Variants in PYGB observed in about 807,000 individuals in gnomAD.
PYGB encodes the protein glycogen phosphorylase, brain form.
A neutral mutation model predicts 94.3 loss-of-function variants in PYGB; 82 were observed. That is an observed-to-expected ratio of 0.87 (90% CI 0.73 to 1.04). The LOEUF is 1.04. PYGB is among the 50% of genes least tolerant of loss of function. The pLI, the probability that PYGB is intolerant of heterozygous loss-of-function variation, is 0.00. For synonymous variants in PYGB, 488 were observed against 479.1 expected, an observed-to-expected ratio of 1.02 and a Z score of -0.24; for missense variants, 1,132 against 1,158.2, an observed-to-expected ratio of 0.98 and a Z score of 0.33.
At chr20:25,286,297 A>G (rs1005187692) in intron 14 of PYGB, among the ~76,000 whole-genome samples, 6 of 152,080 alleles carry the variant, frequency 3.9e-5, no homozygotes, top group East Asian at 1.9e-4. Flanking sequence ...CTTGGTGCCT[A>G]CTTCTCTCAG....
At chr20:25,249,218 A>G (rs2092880507) in intron 1 of PYGB, among the ~76,000 whole-genome samples, 2 of 149,222 alleles carry the variant, frequency 1.3e-5, no homozygotes, top group South Asian at 2.1e-4. Context: ...ATTTTTAAAA[A>G]GTATAATGCA....
At chr20:25,279,907 G>A (rs978570315) in intron 9 of PYGB, among the ~76,000 whole-genome samples, 1 of 152,212 alleles carries the variant, frequency 6.6e-6, no homozygotes, top group South Asian at 2.1e-4. Context: ...TCCCCACCAT[G>A]TCTGGCCACT....
In PYGB at chr20:25,283,212, C is replaced by G. The variant is rs1210713436; in HGVS notation, c.1555C>G (p.Leu519Val). 1.5e-5 allele frequency: 25 copies of G among 1,613,874 alleles called. No individual in the cohort carries two copies. Among genetic ancestry groups the G allele is most frequent in the Non-Finnish European group, 2.1e-5 (25 of 1,179,854 alleles). Residue 519 changes from leucine (L) to valine (V), a missense_variant, in exon 13 of 20, where the codon CTG becomes GTG. Coordinates refer to ENST00000216962, the MANE Select transcript of PYGB (RefSeq NM_002862.4). Reference sequence around the variant, plus strand: ...GGAGTTCCTGACTGACCTGAGCCAGCTGAAGAAGCTGCTGCCGCTGGTCAG... The same window carrying G: ...GGAGTTCCTGACTGACCTGAGCCAGGTGAAGAAGCTGCTGCCGCTGGTCAG... Reference protein sequence around the residue: ...GEEFLTDLSQLKKLLPLVSDE... With the variant: ...GEEFLTDLSQVKKLLPLVSDE...
In PYGB at chr20:25,294,304, T is replaced by C. The variant is rs574626717; in HGVS notation, c.2312+12T>C. On this transcript the variant is annotated intron_variant, in intron 18 of 19. Coordinates refer to ENST00000216962, the MANE Select transcript of PYGB (RefSeq NM_002862.4). ...ATGCACCATGACAGGTGGGACCGAC[T>C]TCCCTGGTTGGGTGGCTGGGAGGGA... 8.2e-6 allele frequency: 8 copies of C among 972,548 alleles called. No individual in the cohort carries two copies. The African/African-American group carries it at 8.3e-5, about 10-fold the overall frequency. 60.2% of individuals were successfully genotyped at this position (972,548 alleles called of 1,614,324 possible).
intron 19 of PYGB, 147 bp from the exon 20 acceptor site, chr20:25,296,223 C>G (rs994178707): frequency 6.1e-6 from 6 of 988,566 alleles, no homozygotes; most frequent in Non-Finnish European, 9.1e-6. Flanking sequence ...TTTCAACGAA[C>G]AAGTGATTGT....
At chr20:25,259,505 G>C (rs919044230) in intron 2 of PYGB, among the ~76,000 whole-genome samples, 167 bp downstream of exon 2, 1 of 152,228 alleles carries the variant, frequency 6.6e-6, no homozygotes, top group Non-Finnish European at 1.5e-5. Context: ...TGGCGGGGCT[G>C]CTCTCTGTTT....
intron 14 of PYGB, chr20:25,285,479 G>T (rs935752223): frequency 6.6e-6 from 1 of 151,766 alleles, no homozygotes; most frequent in African/African-American, 2.4e-5. Context: ...ACCCCCAGTC[G>T]TCAGTTGTTG....
At chr20:25,296,104 G>A (rs923055645) in intron 19 of PYGB, among the ~76,000 whole-genome samples, 2 of 152,110 alleles carry the variant, frequency 1.3e-5, no homozygotes, top group South Asian at 2.1e-4. Context: ...CCCTATCGTC[G>A]TCCTGGGGGC....
At chr20:25,283,461 C>T (rs2088387793) in intron 13 of PYGB, among the ~76,000 whole-genome samples, 184 bp downstream of exon 13, 1 of 152,226 alleles carries the variant, frequency 6.6e-6, no homozygotes. Flanking sequence ...CCACCCCACT[C>T]AGCCTTTCAG....
At position 25,274,728 on chromosome 20, in the gene PYGB, C is replaced by G; in HGVS notation, c.660+5C>G. On this transcript the variant is annotated splice_donor_5th_base_variant and intron_variant, in intron 5 of 19. Transcript: ENST00000216962. ...GTGAAGTGGCTGGACACACAGGTAC[C>G]TGGGCTGAAATGTCTGCGGGCAAGG... The G allele has an allele frequency of 1.2e-6, 2 of 1,611,574 alleles. No homozygotes were observed. Among genetic ancestry groups the G allele is most frequent in the Non-Finnish European group, 8.5e-7 (1 of 1,179,480 alleles).
intron 9 of PYGB, 84 bp downstream of exon 9, chr20:25,279,233 C>T: frequency 3.6e-6 from 5 of 1,396,702 alleles, no homozygotes; most frequent in Non-Finnish European, 3.0e-6. Flanking sequence ...GCTGGGGGGC[C>T]TCTTCCCTGG....
Position 25,274,470 on chromosome 20 carries a change from T to C in PYGB, c.529-122T>C, listed in dbSNP as rs942059525. ...TGGGAATCCCGACCTGGTAAGTGGC[T>C]GTAGGTAAATTTCAGTGCCAGGCAC... is the stretch of plus-strand genomic sequence containing the variant. On this transcript the variant is annotated intron_variant, in intron 4 of 19. Transcript: ENST00000216962. The C allele has an allele frequency of 1.2e-5, 16 of 1,339,322 alleles. No individual in the cohort carries two copies. The Admixed American group carries it at 4.4e-4, about 37-fold the overall frequency. 83.0% of individuals were successfully genotyped at this position (1,339,322 alleles called of 1,614,324 possible). A position where few individuals can be genotyped will look rare whatever the true frequency, so the allele number is the denominator to read the frequency against.
chr20:25,291,396 A>T (rs2088466235), intron 16 of PYGB, among the ~76,000 whole-genome samples: 1 of 151,706 alleles, frequency 6.6e-6, no homozygotes, highest in Admixed American at 6.6e-5. Context: ...GGCCCCCCCT[A>T]GTTCAGGCCG....
intron 6 of PYGB, among the ~76,000 whole-genome samples, 198 bp downstream of exon 6, chr20:25,276,955 A>G (rs887366538): frequency 1.3e-5 from 2 of 152,100 alleles, no homozygotes; most frequent in African/African-American, 4.8e-5. Context: ...GGAAGGGCCT[A>G]CAGGCAGAGC....
chr20:25,294,247 C>A lies in PYGB; in HGVS notation c.2267C>A (p.Pro756Gln), dbSNP rs2088503885. The A allele has an allele frequency of 6.2e-7, 1 of 1,602,642 alleles. No individual in the cohort carries two copies. The change falls in exon 18 of 20, where the codon CCA (proline) becomes CAA (glutamine). Residue 756 changes from proline (P) to glutamine (Q), a missense_variant. Pro to Gln is a moderately conservative substitution (Grantham distance 76, BLOSUM62 -1). Transcript: ENST00000216962. ...AGTGGCTTTTTTTCTCCCAAGGAGC[C>A]AGACTGCTTCAAGGACATCGTGAAC... ...ISSGFFSPKE[P>Q]DCFKDIVNML... is the part of the protein sequence containing the mutation.
At chr20:25,283,903 G>A (rs1159023018) in intron 13 of PYGB, among the ~76,000 whole-genome samples, 1 of 152,096 alleles carries the variant, frequency 6.6e-6, no homozygotes, top group Non-Finnish European at 1.5e-5. Context: ...TACTCTTGGT[G>A]TGGACCCACC....
chr20:25,268,155 G>GCCCCC (rs1287736524), intron 2 of PYGB, among the ~76,000 whole-genome samples: 13 of 6,264 alleles, frequency 2.1e-3, no homozygotes, highest in African/African-American at 0.012. Flanking sequence ...GTAAATCCTA[G>GCCCCC]CACCCGCCCC....
At chr20:25,255,843 C>T (rs1200896922) in intron 1 of PYGB, among the ~76,000 whole-genome samples, 4 of 152,042 alleles carry the variant, frequency 2.6e-5, no homozygotes, top group African/African-American at 9.7e-5. Flanking sequence ...AGGCGATTCT[C>T]CTGCCTCAGC....
In PYGB at chr20:25,296,358, C is replaced by G. The variant is rs1432443810; in HGVS notation, c.2380-12C>G. The G allele has an allele frequency of 1.9e-6, 3 of 1,614,014 alleles. No homozygotes were observed. The East Asian group carries it at 6.7e-5, about 36-fold the overall frequency. On this transcript the variant is annotated splice_polypyrimidine_tract_variant and intron_variant, in intron 19 of 19. Transcript: ENST00000216962. ...GTGACGCCAGAGACTAATTTCATCT[C>G]CTTCCCTGCAGAACCCCAAGGAGTG...
Sources: allele counts gnomAD v4.1 joint callset (sites outside exome capture counted in the v4.1 genomes callset), GRCh38; gene constraint gnomAD v4.1.1; transcripts MANE v1.5; gene names NCBI Gene and HGNC (gene_info 2026-07-23, HGNC 2026-07-21).